The following DIP2B variants were observed in gnomAD, a reference collection of about 807,000 sequenced individuals.
DIP2B encodes the protein disco-interacting protein 2 homolog B.
A neutral mutation model predicts 198.0 loss-of-function variants in DIP2B; 76 were observed. The observed-to-expected ratio is 0.38, with a 90% CI of 0.32 to 0.46. The LOEUF is 0.46. Ranked by LOEUF, DIP2B falls within the 20% of genes least tolerant of loss-of-function variation. The pLI is 0.99. For missense variants in DIP2B, 1,559 were observed against 1,978.4 expected (o/e 0.79, Z 4.02); for synonymous variants, 701 against 739.1 (o/e 0.95, Z 0.84).
At chr12:50,520,930 G>C (rs2139351917) in intron 1 of DIP2B, among the ~76,000 whole-genome samples, 1 of 151,980 alleles carries the variant, frequency 6.6e-6, no homozygotes, top group Admixed American at 6.6e-5. Flanking sequence ...TCCTGTCTCT[G>C]CATTTGTAGC....
chr12:50,721,253 A>T lies in DIP2B; in HGVS notation c.3043-20A>T. 1.2e-6 allele frequency: 2 copies of T among 1,611,972 alleles called. No individual in the cohort carries two copies. The highest frequency in any genetic ancestry group is 1.7e-6 in the Non-Finnish European group (2 of 1,179,034). On this transcript the variant is annotated intron_variant, in intron 25 of 37. Coordinates refer to ENST00000301180, the MANE Select transcript of DIP2B (RefSeq NM_173602.3). ...TTCCTTTCTGAGCTTTGACCCGCTTATCCTTTCTGTTGTTTAAAGGGAACC... is the reference window on the plus strand; with the variant it reads ...TTCCTTTCTGAGCTTTGACCCGCTTTTCCTTTCTGTTGTTTAAAGGGAACC...
At chr12:50,583,385 C>T (rs1203819906) in intron 1 of DIP2B, among the ~76,000 whole-genome samples, 2 of 152,078 alleles carry the variant, frequency 1.3e-5, no homozygotes, top group Non-Finnish European at 2.9e-5. Flanking sequence ...TCATCTGAAC[C>T]CCCACCTGTG....
chr12:50,717,896 C>CTTTTTTTTTTTT (rs60627093), intron 23 of DIP2B, among the ~76,000 whole-genome samples: 1 of 87,056 alleles, frequency 1.1e-5, no homozygotes, highest in Non-Finnish European at 2.1e-5. Flanking sequence ...CCATTATTCA[C>CTTTTTTTTTTTT]TTTTTTTTTT....
At chr12:50,701,429 C>T (rs756552122) in intron 19 of DIP2B, among the ~76,000 whole-genome samples, 4 of 152,152 alleles carry the variant, frequency 2.6e-5, no homozygotes, top group Non-Finnish European at 4.4e-5. Context: ...GTCGCCCAGG[C>T]GGAGTGCAGT....
chr12:50,674,376 A>C, intron 5 of DIP2B, 98 bp from the exon 6 acceptor site: 2 of 1,318,176 alleles, frequency 1.5e-6, no homozygotes, highest in Non-Finnish European at 2.1e-6. Context: ...GCCCCCATTT[A>C]TGTACTTTTC....
intron 1 of DIP2B, among the ~76,000 whole-genome samples, chr12:50,558,165 C>T (rs1282576946): frequency 6.6e-6 from 1 of 152,086 alleles, no homozygotes; most frequent in South Asian, 2.1e-4. Flanking sequence ...CCCAGGAATT[C>T]GAGACCAGCA....
In DIP2B at chr12:50,686,947, A is replaced by G. The variant is rs1355636534; in HGVS notation, c.1551+265A>G. ...GTTACAAAAGACTTTAGGGAAGTAC[A>G]AGCGTTTAGGAAATGATGTACTGGC... On this transcript the variant is annotated intron_variant, in intron 12 of 37. Transcript: ENST00000301180. 1.6e-5 allele frequency: 5 copies of G among 306,868 alleles called. No homozygotes were observed. The East Asian group carries it at 3.0e-4, about 19-fold the overall frequency. The allele number at this position is 306,868 out of a possible 1,614,324, so 19.0% of individuals were successfully genotyped here.
At chr12:50,666,621 A>G (rs1938757929) in intron 4 of DIP2B, among the ~76,000 whole-genome samples, 1 of 152,174 alleles carries the variant, frequency 6.6e-6, no homozygotes, top group Non-Finnish European at 1.5e-5. Flanking sequence ...GTTAACTATA[A>G]TGATAAAACC....
At chr12:50,699,904 A>AT (rs5798146) in intron 19 of DIP2B, among the ~76,000 whole-genome samples, 2 of 151,698 alleles carry the variant, frequency 1.3e-5, no homozygotes, top group African/African-American at 4.8e-5. Context: ...AACCAAAAAA[A>AT]AAAAGGGTAA....
intron 36 of DIP2B, among the ~76,000 whole-genome samples, chr12:50,741,169 A>C (rs1940235221): frequency 6.6e-6 from 1 of 152,254 alleles, no homozygotes; most frequent in Non-Finnish European, 1.5e-5. Flanking sequence ...CATTTACAAA[A>C]TACCACATAC....
At chr12:50,540,890 A>G (rs1232999563) in intron 1 of DIP2B, among the ~76,000 whole-genome samples, 2 of 152,090 alleles carry the variant, frequency 1.3e-5, no homozygotes, top group Non-Finnish European at 2.9e-5. Context: ...TTACATCTTT[A>G]GTCATAGATT....
chr12:50,691,207 G>C (rs931853227), intron 13 of DIP2B, 56 bp downstream of exon 13: 2 of 1,472,600 alleles, frequency 1.4e-6, no homozygotes, highest in African/African-American at 2.8e-5. Context: ...GTGTGACTGT[G>C]AGCACAATGC....
rs192410989 is a variant in DIP2B, at chr12:50,696,355, G to A, written c.1933+388G>A. ...GTTTTTAACGTTCATCCATGTTGTA[G>A]TATCTGTCAGTACTTCTGCATTCCT... On this transcript the variant is annotated intron_variant, in intron 16 of 37. Transcript: ENST00000301180. Among the ~76,000 whole-genome samples, 15 of 152,302 alleles carry A rather than the reference G, an allele frequency of 9.8e-5. No homozygotes were observed. In the East Asian group the frequency reaches 2.5e-3, roughly 25 times the overall value.
chr12:50,582,202 G>T (rs1011672584), intron 1 of DIP2B, among the ~76,000 whole-genome samples: 28 of 140,470 alleles, frequency 2.0e-4, no homozygotes, highest in Non-Finnish European at 4.1e-4. Flanking sequence ...TCCAGGCTGG[G>T]GTTCAATGGT....
chr12:50,538,636 A>G (rs2139371775), intron 1 of DIP2B, among the ~76,000 whole-genome samples: 1 of 152,118 alleles, frequency 6.6e-6, no homozygotes, highest in Non-Finnish European at 1.5e-5. Context: ...TTTTTTTGTA[A>G]TAATATTACT....
At chr12:50,603,322 A>C (rs921623071) in intron 1 of DIP2B, among the ~76,000 whole-genome samples, 1 of 152,202 alleles carries the variant, frequency 6.6e-6, no homozygotes, top group Admixed American at 6.5e-5. Context: ...TGTGAAAAGA[A>C]GACTAGGCAG....
At chr12:50,730,073 T>C (rs1050519094) in intron 30 of DIP2B, among the ~76,000 whole-genome samples, 16 of 152,176 alleles carry the variant, frequency 1.1e-4, no homozygotes, top group East Asian at 1.9e-4. Flanking sequence ...AAGCCTGTTA[T>C]CACCTCTCAC....
intron 1 of DIP2B, among the ~76,000 whole-genome samples, chr12:50,538,620 T>C (rs1278465271): frequency 6.6e-6 from 1 of 150,426 alleles, no homozygotes; most frequent in Non-Finnish European, 1.5e-5. Flanking sequence ...CTTTTCTTCC[T>C]GAGTTTTTTT....
intron 1 of DIP2B, among the ~76,000 whole-genome samples, chr12:50,584,776 C>G (rs949430108): frequency 6.6e-6 from 1 of 152,152 alleles, no homozygotes. Flanking sequence ...GTTGGCCAGG[C>G]TGGTCTTGAA....
Sources: gnomAD v4.1 joint callset for allele counts (sites outside exome capture counted in the v4.1 genomes callset) on GRCh38, gnomAD v4.1.1 for gene constraint, MANE v1.5 for transcripts, NCBI Gene and HGNC (gene_info 2026-07-23, HGNC 2026-07-21) for gene names.